The following PPP6R1 variants were observed in gnomAD, a reference collection of about 807,000 sequenced individuals.
PPP6R1 encodes the protein protein phosphatase 6 regulatory subunit 1.
A neutral mutation model predicts 104.6 loss-of-function variants in PPP6R1; 39 were observed. The ratio of observed to expected loss-of-function variants is 0.37; its 90% confidence interval spans 0.29 to 0.49. The LOEUF is 0.49. PPP6R1 is among the 20% of genes least tolerant of loss of function. The pLI, the probability that PPP6R1 is intolerant of heterozygous loss-of-function variation, is 0.98. For missense variants in PPP6R1, 1,181 were observed against 1,155.8 expected (o/e 1.02, Z -0.32); for synonymous variants, 549 against 479.0 (o/e 1.15, Z -1.91).
intron 1 of PPP6R1, among the ~76,000 whole-genome samples, chr19:55,253,589 T>C (rs1269783209): frequency 1.3e-5 from 2 of 152,330 alleles, no homozygotes; most frequent in East Asian, 3.9e-4. Context: ...CCATCTCAAG[T>C]GGCTCCTCTG....
chr19:55,243,461 T>C (rs1276909881), intron 5 of PPP6R1, among the ~76,000 whole-genome samples: 1 of 145,616 alleles, frequency 6.9e-6, no homozygotes, highest in South Asian at 2.2e-4. Flanking sequence ...AGCCCAGGAG[T>C]TTGAGACCAG....
chr19:55,256,307 C>T (rs1230284987), intron 1 of PPP6R1, among the ~76,000 whole-genome samples: 2 of 152,250 alleles, frequency 1.3e-5, no homozygotes, highest in Non-Finnish European at 2.9e-5. Flanking sequence ...AACATTTGGG[C>T]TGGACGGTTC....
intron 19 of PPP6R1, 45 bp downstream of exon 19, chr19:55,231,757 C>T (rs752646295): frequency 6.7e-7 from 1 of 1,491,534 alleles, no homozygotes; most frequent in South Asian, 1.4e-5. Flanking sequence ...CACCTCCTGG[C>T]CTCGGGATAC....
chr19:55,253,704 C>T (rs2087571306), intron 1 of PPP6R1, among the ~76,000 whole-genome samples: 1 of 152,120 alleles, frequency 6.6e-6, no homozygotes, highest in African/African-American at 2.4e-5. Context: ...TATGGAAGAA[C>T]AGAAAAAAAG....
chr19:55,252,740 G>A (rs368373878), intron 1 of PPP6R1, among the ~76,000 whole-genome samples: 61 of 151,978 alleles, frequency 4.0e-4, no homozygotes, highest in South Asian at 3.1e-3. Context: ...GTTTCACCAC[G>A]TTGGCCAGGC....
downstream of PPP6R1, chr19:55,228,602 C>A: frequency 6.5e-7 from 1 of 1,539,032 alleles, no homozygotes; most frequent in Non-Finnish European, 8.8e-7. Flanking sequence ...GCCCAACCAA[C>A]TCAAGGACAG....
chr19:55,242,502 A>G lies in PPP6R1; in HGVS notation c.619-14T>C, dbSNP rs1317668060. 1 of 1,605,942 alleles carries G rather than the reference A, an allele frequency of 6.2e-7. No homozygotes were observed. Among genetic ancestry groups the G allele is most frequent in the Non-Finnish European group, 8.5e-7 (1 of 1,172,734 alleles). ...GTTGGAATGTTGCTGGAACGGGGAG[A>G]GACAGGTGAGGATCCTGGTCGGGCC... On this transcript the variant is annotated splice_polypyrimidine_tract_variant and intron_variant, in intron 5 of 23. Transcript: ENST00000412770.
chr19:55,228,848 C>T, downstream of PPP6R1: 1 of 1,161,482 alleles, frequency 8.6e-7, no homozygotes, highest in Non-Finnish European at 1.3e-6. Context: ...CCTGTGGACT[C>T]TGTGACTGAT....
chr19:55,242,570 G>C, intron 5 of PPP6R1, 82 bp from the exon 6 acceptor site: 15 of 1,210,812 alleles, frequency 1.2e-5, no homozygotes, highest in Non-Finnish European at 1.8e-5. Context: ...CCTCCCATGA[G>C]CTGACCATCC....
rs374037641 is a variant in PPP6R1 at position 55,230,459 on chromosome 19, C to T, written c.*69G>A. On this transcript the variant is annotated 3_prime_UTR_variant, in exon 24 of 24. Transcript: ENST00000412770. ...GGGCAATGGGGGCCATCGTGGGACCCGCCCTGCCCCCACCCCGGGAGATCC... is the reference window on the plus strand; with the variant it reads ...GGGCAATGGGGGCCATCGTGGGACCTGCCCTGCCCCCACCCCGGGAGATCC... 9.5e-4 allele frequency: 1,521 copies of T among 1,602,794 alleles called. 3 individuals are homozygous for T. In the Middle Eastern group the frequency reaches 0.016, roughly 17 times the overall value.
chr19:55,229,718 GTGCAGGGATAA>G, downstream of PPP6R1: 1 of 152,394 alleles, frequency 6.6e-6, no homozygotes, highest in South Asian at 2.1e-4. Context: ...AGCCTCTGGG[GTGCAGGGATAA>G]TACAGGCTCC....
chr19:55,237,177 A>G (rs189547496), intron 15 of PPP6R1, among the ~76,000 whole-genome samples: 1 of 152,182 alleles, frequency 6.6e-6, no homozygotes, highest in South Asian at 2.1e-4. Flanking sequence ...ATCACTTTAA[A>G]TCCTTAAAAC....
In PPP6R1 at chr19:55,250,682, G is replaced by A. The variant is rs184740972; in HGVS notation, c.-6-3573C>T. ...CAGCCCAGCTGTGACAGCACAGTTCGGCCAGAGGCCTGAGTTCTCCTCCAA... is the reference window on the plus strand; with the variant it reads ...CAGCCCAGCTGTGACAGCACAGTTCAGCCAGAGGCCTGAGTTCTCCTCCAA... On this transcript the variant is annotated intron_variant, in intron 1 of 23. Transcript: ENST00000412770. Among the ~76,000 whole-genome samples, 122 of 152,196 alleles carry A rather than the reference G, an allele frequency of 8.0e-4. 1 individual carries two copies. The Middle Eastern group carries it at 0.014, about 17-fold the overall frequency.
chr19:55,256,793 G>C (rs189439463), intron 1 of PPP6R1, among the ~76,000 whole-genome samples: 2 of 152,152 alleles, frequency 1.3e-5, no homozygotes, highest in African/African-American at 4.8e-5. Flanking sequence ...TTCAAGGCTG[G>C]GCAAACGAGC....
At position 55,231,677 on chromosome 19, in the gene PPP6R1, C is replaced by T. The variant is rs1022712014; in HGVS notation, c.2307-9G>A. The T allele has an allele frequency of 2.3e-5, 36 of 1,593,276 alleles. No individual in the cohort carries two copies. The highest frequency in any genetic ancestry group is 8.7e-5 in the Admixed American group (5 of 57,472). Reference sequence around the variant, plus strand: ...GTGTGGGGTCCTGAGACCTGGTAGGCGAGAGAGGCAGCCCAAGGGGGCAGC... The same window carrying T: ...GTGTGGGGTCCTGAGACCTGGTAGGTGAGAGAGGCAGCCCAAGGGGGCAGC... On this transcript the variant is annotated splice_polypyrimidine_tract_variant and intron_variant, in intron 19 of 23. Transcript: ENST00000412770.
At chr19:55,238,233 C>T (rs1037276518) in intron 15 of PPP6R1, among the ~76,000 whole-genome samples, 3 of 152,088 alleles carry the variant, frequency 2.0e-5, no homozygotes, top group Non-Finnish European at 4.4e-5. Flanking sequence ...CCAGGGGTCT[C>T]GGCACAGGCC....
chr19:55,228,245 C>CAA, downstream of PPP6R1: 1 of 1,612,550 alleles, frequency 6.2e-7, no homozygotes, highest in Non-Finnish European at 8.5e-7. Context: ...GCCGAGCACA[C>CAA]AAGGGCTCCC....
At position 55,231,981 on chromosome 19, in the gene PPP6R1, GC is replaced by G; in HGVS notation, c.2126del (p.Gly709AlafsTer209). The G allele has an allele frequency of 6.2e-7, 1 of 1,601,642 alleles. No homozygotes were observed. The highest frequency in any genetic ancestry group is 8.5e-7 in the Non-Finnish European group (1 of 1,171,674). ...GGTCAAAGGTGGCTGTCCAGCTGGGGCCTGGGATAGAGGTGGGGGAGCGGGA... is the reference window on the plus strand; with the variant it reads ...GGTCAAAGGTGGCTGTCCAGCTGGGGCTGGGATAGAGGTGGGGGAGCGGGA... Reference protein sequence around the residue: ...SYPSPGPQPPGPSWTATFDPV... With the variant: ...SYPSPGPQPPXPSWTATFDPV... On this transcript the variant is annotated frameshift_variant and splice_region_variant, in exon 19 of 24. Coordinates refer to ENST00000412770, the MANE Select transcript of PPP6R1 (RefSeq NM_014931.4). LOFTEE classifies it high-confidence loss of function.
intron 5 of PPP6R1, among the ~76,000 whole-genome samples, chr19:55,243,167 C>G (rs1298175543): frequency 6.6e-6 from 1 of 152,114 alleles, no homozygotes; most frequent in Non-Finnish European, 1.5e-5. Context: ...GTAATCCCAG[C>G]ACTTTGGGAG....
Sources: gnomAD v4.1 joint callset for allele counts (sites outside exome capture counted in the v4.1 genomes callset) on GRCh38, gnomAD v4.1.1 for gene constraint, MANE v1.5 for transcripts, NCBI Gene and HGNC (gene_info 2026-07-23, HGNC 2026-07-21) for gene names.